TOM1: variants seen among roughly 807,000 people sequenced by gnomAD.
TOM1 encodes target of Myb protein 1.
Under a neutral mutation model 61.3 loss-of-function variants are expected in TOM1, and 38 were observed. That is an observed-to-expected ratio of 0.62 (90% CI 0.48 to 0.81). The LOEUF (loss-of-function observed/expected upper bound fraction) is 0.81, where lower values mean the gene tolerates loss of function less well. TOM1 is among the 40% of genes least tolerant of loss of function. The probability of loss-of-function intolerance (pLI) is 0.00; values close to 1 mark genes in which losing one functional copy is unlikely to be tolerated. For synonymous variants in TOM1, 270 were observed against 268.8 expected, an observed-to-expected ratio of 1.00 and a Z score of -0.04; for missense variants, 591 against 659.6, an observed-to-expected ratio of 0.90 and a Z score of 1.14.
Position 35,323,399 on chromosome 22 carries a change from AAG to A in TOM1, c.367-96_367-95del. On this transcript the variant is annotated intron_variant, in intron 4 of 14. Coordinates refer to ENST00000449058, the MANE Select transcript of TOM1 (RefSeq NM_005488.3). This position sits in a 1 kb window ranked among gnomAD's most constrained non-coding sequence, Gnocchi z 4.2. ...GCAGATGTAGTTAAAAAAAAAAAAA[AAG>A]CAGGGAAAGAATGTCTGTTCTCTGT... is the stretch of plus-strand genomic sequence containing the variant. 5.4e-6 allele frequency: 8 copies of A among 1,485,124 alleles called. No homozygotes were observed. The South Asian group carries it at 7.7e-5, about 14-fold the overall frequency. 92.0% of individuals were successfully genotyped at this position (1,485,124 alleles called of 1,614,324 possible).
chr22:35,342,889 A>G (rs1169826857), intron 12 of TOM1, among the ~76,000 whole-genome samples: 1 of 142,706 alleles, frequency 7.0e-6, no homozygotes, highest in African/African-American at 2.7e-5. Flanking sequence ...CACACACCAC[A>G]CACACATCTA....
At chr22:35,306,058 A>G (rs371761805) in intron 1 of TOM1, among the ~76,000 whole-genome samples, 1 of 152,338 alleles carries the variant, frequency 6.6e-6, no homozygotes, top group East Asian at 1.9e-4. Context: ...AATGAGAATG[A>G]CTGTGCATAA....
intron 8 of TOM1, chr22:35,331,569 A>G: frequency 3.5e-6 from 1 of 284,808 alleles, no homozygotes; most frequent in Non-Finnish European, 7.0e-6. Flanking sequence ...TCCTCTAAAG[A>G]GTACTTAGGT....
At chr22:35,335,176 C>G (rs536637218) in intron 11 of TOM1, among the ~76,000 whole-genome samples, 1 of 152,270 alleles carries the variant, frequency 6.6e-6, no homozygotes, top group Non-Finnish European at 1.5e-5. Context: ...CAGCCTTTTG[C>G]CCACTGTGAC....
At chr22:35,313,635 A>G (rs1196997506) in intron 1 of TOM1, among the ~76,000 whole-genome samples, 1 of 152,242 alleles carries the variant, frequency 6.6e-6, no homozygotes, top group Non-Finnish European at 1.5e-5. Context: ...AGGTCAGGCC[A>G]GACTCGTCCC....
intron 12 of TOM1, 111 bp from the exon 13 acceptor site, chr22:35,345,614 T>C: frequency 9.2e-7 from 1 of 1,086,620 alleles, no homozygotes. Flanking sequence ...GCTAGGCAGC[T>C]GAGGCTGGGG....
At chr22:35,338,646 C>A in intron 11 of TOM1, 67 bp from the exon 12 acceptor site, 1 of 1,354,692 alleles carries the variant, frequency 7.4e-7, no homozygotes, top group Non-Finnish European at 9.9e-7. Flanking sequence ...TGCCCCCCAG[C>A]CCGCTCCGTT....
At chr22:35,322,132 T>C in intron 3 of TOM1, 95 bp downstream of exon 3, 1 of 1,137,666 alleles carries the variant, frequency 8.8e-7, no homozygotes, top group Non-Finnish European at 1.3e-6. Flanking sequence ...TCCTCTGAGC[T>C]CCTCATTTGA....
chr22:35,347,112 C>G lies in TOM1; in HGVS notation c.1382C>G (p.Ser461Cys), dbSNP rs144721465. ...AKAADRLPNL[S>C]SPSAEGPPGP... ...GCCGCGGACCGATTGCCCAACCTCT[C>G]CAGCCCCTCAGCTGAGGGGCCCCCG... is the stretch of plus-strand genomic sequence containing the variant. The change falls in exon 15 of 15, where the codon TCC becomes TGC. Residue 461 changes from serine (S) to cysteine (C), a missense_variant. By Grantham distance (112) the Ser-to-Cys change is moderately radical. Transcript: ENST00000449058. 6.2e-7 allele frequency: 1 copy of G among 1,613,756 alleles called. No individual in the cohort carries two copies. Among genetic ancestry groups the G allele is most frequent in the Non-Finnish European group, 8.5e-7 (1 of 1,179,846 alleles).
intron 1 of TOM1, among the ~76,000 whole-genome samples, chr22:35,308,131 C>G (rs1399420154): frequency 7.2e-5 from 11 of 152,124 alleles, no homozygotes; most frequent in Admixed American, 7.2e-4. Flanking sequence ...GGATCTCCAG[C>G]CTGCCAGCTC....
intron 11 of TOM1, among the ~76,000 whole-genome samples, chr22:35,334,863 T>C (rs1929164960): frequency 8.2e-6 from 1 of 121,960 alleles, no homozygotes; most frequent in Non-Finnish European, 1.6e-5. Flanking sequence ...GTGTACCGCA[T>C]AGTAAGCCCT....
At chr22:35,339,097 G>A (rs1198144285) in intron 12 of TOM1, among the ~76,000 whole-genome samples, 5 of 152,102 alleles carry the variant, frequency 3.3e-5, no homozygotes, top group Non-Finnish European at 7.4e-5. Context: ...TCGGGAGGCT[G>A]AGGCGGGTGG....
intron 8 of TOM1, among the ~76,000 whole-genome samples, chr22:35,330,987 G>A (rs762323548): frequency 2.0e-5 from 3 of 152,272 alleles, no homozygotes; most frequent in Non-Finnish European, 2.9e-5. Flanking sequence ...ATGGATCCCA[G>A]GGCAGCTCAG....
intron 13 of TOM1, among the ~76,000 whole-genome samples, 197 bp from the exon 14 acceptor site, chr22:35,346,733 T>C (rs1930530617): frequency 6.6e-6 from 1 of 151,908 alleles, no homozygotes; most frequent in South Asian, 2.1e-4. Flanking sequence ...GGAAGTCAGG[T>C]GCCACCCAAG....
At chr22:35,306,812 G>A (rs1038688848) in intron 1 of TOM1, among the ~76,000 whole-genome samples, 1 of 152,190 alleles carries the variant, frequency 6.6e-6, no homozygotes, top group South Asian at 2.1e-4. Context: ...TGCAGCCTTT[G>A]TGATGGTCTT....
chr22:35,322,145 G>C, intron 3 of TOM1, 108 bp downstream of exon 3: 6 of 1,008,974 alleles, frequency 5.9e-6, no homozygotes, highest in Admixed American at 4.0e-5. Context: ...TCATTTGAGA[G>C]CTGGAAAGGT....
intron 12 of TOM1, 118 bp from the exon 13 acceptor site, chr22:35,345,607 A>T: frequency 1.0e-6 from 1 of 980,678 alleles, no homozygotes; most frequent in Non-Finnish European, 1.6e-6. Flanking sequence ...CCGGGCAGCT[A>T]GGCAGCTGAG....
intron 12 of TOM1, chr22:35,344,836 T>A (rs1930368057): frequency 6.6e-6 from 1 of 152,334 alleles, no homozygotes. Context: ...TGTGCTAAGC[T>A]TTTGACATCC....
intron 6 of TOM1, among the ~76,000 whole-genome samples, chr22:35,325,049 C>G (rs1000751292): frequency 4.6e-5 from 7 of 152,206 alleles, no homozygotes; most frequent in Admixed American, 2.0e-4. Context: ...CAGCCATGAC[C>G]AGCTCGTAGA....
Sources: allele counts gnomAD v4.1 joint callset (sites outside exome capture counted in the v4.1 genomes callset), GRCh38; gene constraint gnomAD v4.1.1; non-coding constraint Gnocchi (gnomAD v3.1); transcripts MANE v1.5; gene names NCBI Gene and HGNC (gene_info 2026-07-23, HGNC 2026-07-21).